Variants in SPATA6 observed in about 807,000 individuals in gnomAD.
SPATA6 encodes spermatogenesis-associated protein 6.
Under a neutral mutation model 65.3 loss-of-function variants are expected in SPATA6, and 56 were observed. That is an observed-to-expected ratio of 0.86 (90% CI 0.69 to 1.07). The LOEUF (loss-of-function observed/expected upper bound fraction) is 1.07. Among genes scored for constraint, SPATA6 ranks in the 50% least tolerant of loss-of-function variants. SPATA6 has a pLI of 0.00. For missense variants in SPATA6, 590 were observed against 594.8 expected (o/e 0.99, Z 0.08); for synonymous variants, 199 against 213.2 (o/e 0.93, Z 0.58).
intron 11 of SPATA6, among the ~76,000 whole-genome samples, chr1:48,353,919 C>G (rs1246694076): frequency 6.6e-6 from 1 of 151,614 alleles, no homozygotes; most frequent in Non-Finnish European, 1.5e-5. Context: ...CTACTTTTAA[C>G]CAAAAGATAC....
chr1:48,411,659 G>T, intron 4 of SPATA6, 71 bp from the exon 5 acceptor site: 5 of 1,325,238 alleles, frequency 3.8e-6, no homozygotes, highest in South Asian at 2.2e-5. Flanking sequence ...CATCAAGTAT[G>T]ATATATCTAC....
At chr1:48,344,308 A>G (rs949296251) in intron 11 of SPATA6, 5 of 152,136 alleles carry the variant, frequency 3.3e-5, no homozygotes, top group Admixed American at 6.6e-5. Context: ...GAAGCATTCT[A>G]TATTTTTCAG....
rs115809939 is a variant in SPATA6 at position 48,417,326 on chromosome 1, T to C, written c.239-4175A>G. 3.1e-3 allele frequency among the ~76,000 whole-genome samples: 466 copies of C among 152,322 alleles called. 3 individuals carry two copies. Among genetic ancestry groups the C allele is most frequent in the African/African-American group, 0.011 (454 of 41,568 alleles). ...TAGAAACAATGTTATAATCTGTTTT[T>C]TAAATGTGAAATACCTAGAACAATA... On this transcript the variant is annotated intron_variant, in intron 3 of 12. Transcript: ENST00000371847.
chr1:48,320,375 C>G (rs1306674570), intron 11 of SPATA6, among the ~76,000 whole-genome samples: 1 of 152,104 alleles, frequency 6.6e-6, no homozygotes, highest in Non-Finnish European at 1.5e-5. Context: ...AAGAGAAAAA[C>G]AAGTAACACA....
At chr1:48,349,464 T>C (rs1305945009) in intron 11 of SPATA6, among the ~76,000 whole-genome samples, 2 of 152,028 alleles carry the variant, frequency 1.3e-5, no homozygotes, top group Non-Finnish European at 2.9e-5. Context: ...TCATCAATTA[T>C]GATAGTCATT....
intron 9 of SPATA6, among the ~76,000 whole-genome samples, chr1:48,373,192 G>C (rs558302538): frequency 6.6e-6 from 1 of 152,292 alleles, no homozygotes; most frequent in East Asian, 1.9e-4. Context: ...TTATAAAACA[G>C]AATGCCTTTA....
At position 48,319,051 on chromosome 1, in the gene SPATA6, C is replaced by T. The variant is rs190454072; in HGVS notation, c.1195-13173G>A. Among the ~76,000 whole-genome samples the T allele has an allele frequency of 4.7e-4, 71 of 152,150 alleles. 2 individuals carry two copies. In the East Asian group the frequency reaches 0.013, roughly 28 times the overall value. ...TTTTTAAGAAATGGTGCTGTGACAA[C>T]CAGATTTCCACATGAAAAAGAATTA... On this transcript the variant is annotated intron_variant, in intron 11 of 12. Coordinates refer to ENST00000371847, the MANE Select transcript of SPATA6 (RefSeq NM_019073.4).
At chr1:48,470,324 G>A (rs1291372214) in intron 1 of SPATA6, among the ~76,000 whole-genome samples, 4 of 152,312 alleles carry the variant, frequency 2.6e-5, no homozygotes, top group African/African-American at 9.6e-5. Context: ...TAGTTGGCAG[G>A]AGGAGGAAGA....
chr1:48,353,885 G>A (rs1646583194), intron 11 of SPATA6, among the ~76,000 whole-genome samples: 1 of 151,936 alleles, frequency 6.6e-6, no homozygotes, highest in African/African-American at 2.4e-5. Flanking sequence ...AAGGAAAAAT[G>A]ATAAACTGTA....
intron 11 of SPATA6, among the ~76,000 whole-genome samples, chr1:48,312,392 G>A (rs1012430942): frequency 6.6e-6 from 1 of 152,134 alleles, no homozygotes; most frequent in African/African-American, 2.4e-5. Flanking sequence ...TGTTCACCAA[G>A]ATCCGCTGTT....
intron 11 of SPATA6, among the ~76,000 whole-genome samples, chr1:48,315,594 G>A (rs1277268848): frequency 6.6e-6 from 1 of 152,086 alleles, no homozygotes; most frequent in African/African-American, 2.4e-5. Context: ...TACTGAATGG[G>A]CAAAAACTGG....
chr1:48,395,684 A>G (rs1052222598), intron 7 of SPATA6, among the ~76,000 whole-genome samples: 8 of 151,944 alleles, frequency 5.3e-5, no homozygotes, highest in Non-Finnish European at 7.4e-5. Context: ...ATACTTTGCC[A>G]TATTTTTAAA....
At chr1:48,434,434 T>C (rs1299296730) in intron 3 of SPATA6, among the ~76,000 whole-genome samples, 18 of 152,186 alleles carry the variant, frequency 1.2e-4, no homozygotes, top group Admixed American at 1.2e-3. Flanking sequence ...GGCAAAAATA[T>C]TATTAGCATA....
intron 11 of SPATA6, among the ~76,000 whole-genome samples, chr1:48,316,654 G>A (rs374210092): frequency 6.6e-6 from 1 of 151,992 alleles, no homozygotes; most frequent in Non-Finnish European, 1.5e-5. Flanking sequence ...ACCAAAAGCA[G>A]TGGCAACAAA....
chr1:48,406,899 T>A (rs1475198909), intron 5 of SPATA6, among the ~76,000 whole-genome samples: 2 of 152,188 alleles, frequency 1.3e-5, no homozygotes, highest in Non-Finnish European at 1.5e-5. Flanking sequence ...CTTGCCATAG[T>A]AAAGGCTTCA....
chr1:48,343,410 A>G (rs1166685726), intron 11 of SPATA6, among the ~76,000 whole-genome samples: 1 of 152,214 alleles, frequency 6.6e-6, no homozygotes, highest in Non-Finnish European at 1.5e-5. Flanking sequence ...TAGAAAATGA[A>G]GGGATGAATG....
intron 12 of SPATA6, among the ~76,000 whole-genome samples, chr1:48,300,501 G>T (rs1484956989): frequency 6.6e-6 from 1 of 151,914 alleles, no homozygotes. Context: ...ATTTAAAGAA[G>T]AACTAATAAG....
At chr1:48,455,370 T>C (rs1451415731) in intron 1 of SPATA6, among the ~76,000 whole-genome samples, 1 of 152,076 alleles carries the variant, frequency 6.6e-6, no homozygotes, top group African/African-American at 2.4e-5. Context: ...TACTTTTGAC[T>C]ACCTCTTTAA....
chr1:48,450,113 T>C (rs1239144506), intron 3 of SPATA6, among the ~76,000 whole-genome samples: 2 of 151,638 alleles, frequency 1.3e-5, no homozygotes, highest in Non-Finnish European at 2.9e-5. Flanking sequence ...CCAAAGCACA[T>C]TAGAGAGGTC....
Sources: gnomAD v4.1 joint callset for allele counts (sites outside exome capture counted in the v4.1 genomes callset) on GRCh38, gnomAD v4.1.1 for gene constraint, MANE v1.5 for transcripts, NCBI Gene and HGNC (gene_info 2026-07-23, HGNC 2026-07-21) for gene names.